JMJD1C: variants seen among roughly 807,000 people sequenced by gnomAD.
JMJD1C encodes the protein jumonji domain-containing protein 1C.
Under a neutral mutation model 245.3 loss-of-function variants are expected in JMJD1C, and 31 were observed. The observed-to-expected ratio is 0.13, with a 90% CI of 0.09 to 0.17. The LOEUF is 0.17. Ranked by LOEUF, JMJD1C falls within the 10% of genes least tolerant of loss-of-function variation. The pLI, the probability that JMJD1C is intolerant of heterozygous loss-of-function variation, is 1.00. For synonymous variants in JMJD1C, 1,057 were observed against 1,017.4 expected (o/e 1.04, Z -0.74); for missense variants, 2,691 against 3,000.2 (o/e 0.90, Z 2.41).
chr10:63,360,734 C>T (rs1327845505), intron 2 of JMJD1C, among the ~76,000 whole-genome samples: 1 of 152,008 alleles, frequency 6.6e-6, no homozygotes, highest in Non-Finnish European at 1.5e-5. Context: ...ATATTACATA[C>T]CACAAAAGTT....
chr10:63,492,516 A>C (rs550978038), intron 1 of JMJD1C, among the ~76,000 whole-genome samples: 8 of 152,118 alleles, frequency 5.3e-5, no homozygotes, highest in African/African-American at 1.7e-4. Context: ...AAATACAAAA[A>C]TTAGCTGGGC....
Position 63,306,078 on chromosome 10 carries a change from G to GT in JMJD1C, c.334-41315dup, listed in dbSNP as rs1367108245. ...AAAGACTTAGTCATTAGTTTATCAC[G>GT]TTTTTTTAATTTTATTTTTTTTTAA... On this transcript the variant is annotated intron_variant, in intron 2 of 25. Coordinates refer to ENST00000399262, the MANE Select transcript of JMJD1C (RefSeq NM_032776.3). Among the ~76,000 whole-genome samples the GT allele has an allele frequency of 5.3e-5, 8 of 151,732 alleles. No homozygotes were observed. The East Asian group carries it at 1.6e-3, about 29-fold the overall frequency.
At chr10:63,422,279 G>A (rs1950170866) in intron 1 of JMJD1C, among the ~76,000 whole-genome samples, 1 of 152,140 alleles carries the variant, frequency 6.6e-6, no homozygotes, top group Non-Finnish European at 1.5e-5. Context: ...ATGTGTGGTG[G>A]TGTGCGCCTG....
intron 2 of JMJD1C, among the ~76,000 whole-genome samples, chr10:63,361,297 C>A (rs192613843): frequency 1.3e-5 from 2 of 152,228 alleles, no homozygotes; most frequent in Admixed American, 1.3e-4. Flanking sequence ...GTGGCGCATG[C>A]CCGTAATCCC....
At chr10:63,497,766 A>T (rs1954408529) in intron 1 of JMJD1C, among the ~76,000 whole-genome samples, 1 of 152,202 alleles carries the variant, frequency 6.6e-6, no homozygotes, top group South Asian at 2.1e-4. Context: ...CTTTCTTTGC[A>T]AACTGGGAGT....
At chr10:63,199,571 C>T (rs1218082133) in intron 11 of JMJD1C, among the ~76,000 whole-genome samples, 1 of 152,126 alleles carries the variant, frequency 6.6e-6, no homozygotes, top group Non-Finnish European at 1.5e-5. Flanking sequence ...TTTGCCTGAA[C>T]ATTTCTTTCC....
At chr10:63,316,009 A>G (rs1939999253) in intron 2 of JMJD1C, among the ~76,000 whole-genome samples, 1 of 152,098 alleles carries the variant, frequency 6.6e-6, no homozygotes. Flanking sequence ...GTCTCCTTAA[A>G]AAATAAAAAA....
At chr10:63,454,021 C>A (rs1051538930) in intron 1 of JMJD1C, among the ~76,000 whole-genome samples, 1 of 152,182 alleles carries the variant, frequency 6.6e-6, no homozygotes, top group Non-Finnish European at 1.5e-5. Flanking sequence ...CTGCACCCGG[C>A]CTCCAATTCT....
intron 2 of JMJD1C, among the ~76,000 whole-genome samples, chr10:63,369,410 T>C (rs1287850500): frequency 1.3e-5 from 2 of 152,172 alleles, no homozygotes; most frequent in African/African-American, 4.8e-5. Flanking sequence ...CCCAAAGTGC[T>C]GGGATTACAG....
chr10:63,407,068 G>A (rs184801293), intron 1 of JMJD1C, among the ~76,000 whole-genome samples: 5 of 152,228 alleles, frequency 3.3e-5, no homozygotes, highest in African/African-American at 1.2e-4. Flanking sequence ...AATTACCAAA[G>A]ATAAGCTATG....
At position 63,443,914 on chromosome 10, in the gene JMJD1C, A is replaced by G. The variant is rs375124794; in HGVS notation, c.168+21581T>C. The stretch of plus-strand genomic sequence containing the variant: ...AAGCTCTGTGCCAGGAACTGGGAAC[A>G]AATAACAAACATGTTTCTAAATATA... On this transcript the variant is annotated intron_variant, in intron 1 of 25. Transcript: ENST00000399262. Among the ~76,000 whole-genome samples, 47 of 152,358 alleles carry G rather than the reference A, an allele frequency of 3.1e-4. No individual in the cohort carries two copies. In the South Asian group the frequency reaches 9.7e-3, roughly 32 times the overall value.
chr10:63,251,418 T>C (rs1310499809), intron 3 of JMJD1C, among the ~76,000 whole-genome samples: 3 of 152,250 alleles, frequency 2.0e-5, no homozygotes, highest in Admixed American at 1.3e-4. Context: ...TTAGTATTCC[T>C]ATTTAAGTGC....
At chr10:63,217,419 A>G (rs2133250782) in intron 4 of JMJD1C, 88 bp from the exon 5 acceptor site, 1 of 984,942 alleles carries the variant, frequency 1.0e-6, no homozygotes, top group South Asian at 1.9e-5. Flanking sequence ...GAGCTAGTGT[A>G]TAATAGTAAT....
At chr10:63,448,640 A>G (rs796299195) in intron 1 of JMJD1C, among the ~76,000 whole-genome samples, 9 of 152,242 alleles carry the variant, frequency 5.9e-5, no homozygotes, top group Non-Finnish European at 8.8e-5. Context: ...AACCCTTGCT[A>G]AAGTATAGTG....
chr10:63,349,059 C>T (rs940495921), intron 2 of JMJD1C, among the ~76,000 whole-genome samples: 1 of 128,384 alleles, frequency 7.8e-6, no homozygotes, highest in Admixed American at 9.4e-5. Flanking sequence ...TGAGATCACG[C>T]CATTGCACTT....
intron 3 of JMJD1C, among the ~76,000 whole-genome samples, chr10:63,242,799 C>G (rs1203286653): frequency 2.0e-5 from 3 of 152,048 alleles, no homozygotes; most frequent in African/African-American, 7.2e-5. Flanking sequence ...TTTACCCAAA[C>G]AGACCTATTT....
chr10:63,168,241 A>G lies in JMJD1C; in HGVS notation c.7534-107T>C, dbSNP rs557409392. ...TAATAGGGAACTAGGAAAGCCAAAT[A>G]TAAGAAAAATGTTTGAAAGTGTTAA... On this transcript the variant is annotated intron_variant, in intron 25 of 25. Coordinates refer to ENST00000399262, the MANE Select transcript of JMJD1C (RefSeq NM_032776.3). The G allele has an allele frequency of 6.4e-5, 66 of 1,028,810 alleles. 2 individuals carry two copies. The South Asian group carries it at 8.5e-4, about 13-fold the overall frequency. The allele number at this position is 1,028,810 out of a possible 1,614,324, so 63.7% of individuals were successfully genotyped here.
chr10:63,388,515 A>G (rs1947803697), intron 1 of JMJD1C, among the ~76,000 whole-genome samples: 1 of 152,190 alleles, frequency 6.6e-6, no homozygotes, highest in African/African-American at 2.4e-5. Flanking sequence ...AAAGAATGGT[A>G]TCTATCATCA....
At chr10:63,421,993 A>G (rs1950153446) in intron 1 of JMJD1C, among the ~76,000 whole-genome samples, 2 of 152,246 alleles carry the variant, frequency 1.3e-5, no homozygotes, top group South Asian at 4.1e-4. Context: ...AAACTAATAC[A>G]GTCCCGTTTC....
Sources: allele counts gnomAD v4.1 joint callset (sites outside exome capture counted in the v4.1 genomes callset), GRCh38; gene constraint gnomAD v4.1.1; transcripts MANE v1.5; gene names NCBI Gene and HGNC (gene_info 2026-07-23, HGNC 2026-07-21).